KCTD1: variants seen among roughly 807,000 people sequenced by gnomAD.
The protein encoded by KCTD1 is potassium channel tetramerization domain containing 1, also known as BTB/POZ domain-containing protein KCTD1.
In KCTD1, 24 loss-of-function variants were observed where a neutral mutation model predicts 66.0. The ratio of observed to expected loss-of-function variants is 0.36; its 90% CI spans 0.26 to 0.51. KCTD1 has a LOEUF of 0.51. Ranked by LOEUF, KCTD1 falls within the 20% of genes least tolerant of loss-of-function variation. The pLI, the probability that KCTD1 is intolerant of heterozygous loss-of-function variation, is 0.95. For synonymous variants in KCTD1, 511 were observed against 517.2 expected (o/e 0.99, Z 0.16); for missense variants, 943 against 1,205.2 (o/e 0.78, Z 3.22).
At chr18:26,612,808 T>C (rs984544951) in intron 1 of KCTD1, among the ~76,000 whole-genome samples, 8 of 152,242 alleles carry the variant, frequency 5.3e-5, no homozygotes, top group Non-Finnish European at 1.0e-4. Context: ...GGAGCAAGCA[T>C]AGGGCTCAGC....
At chr18:26,637,832 C>T (rs941875233) in intron 1 of KCTD1, among the ~76,000 whole-genome samples, 1 of 152,218 alleles carries the variant, frequency 6.6e-6, no homozygotes, top group African/African-American at 2.4e-5. Flanking sequence ...CCTCAGTTTT[C>T]TCATCTGAAG....
chr18:26,549,059 G>T, upstream of KCTD1: 1 of 985,228 alleles, frequency 1.0e-6, no homozygotes, highest in Non-Finnish European at 1.2e-6. Context: ...CGGGCGGGCC[G>T]CGGGTGCTGC....
chr18:26,627,412 T>C (rs1440375445), intron 1 of KCTD1, among the ~76,000 whole-genome samples: 1 of 152,174 alleles, frequency 6.6e-6, no homozygotes, highest in Non-Finnish European at 1.5e-5. Flanking sequence ...GATTGAACCA[T>C]GTACAATTGT....
upstream of KCTD1, among the ~76,000 whole-genome samples, chr18:26,552,376 A>G (rs1294094935): frequency 6.6e-6 from 1 of 152,216 alleles, no homozygotes; most frequent in East Asian, 1.9e-4. Flanking sequence ...CTAAAGCAAC[A>G]CACACCCTTG....
intron 4 of KCTD1, 32 bp from the exon 5 acceptor site, chr18:26,455,933 GGGTGA>G: frequency 1.2e-6 from 2 of 1,604,932 alleles, no homozygotes. Context: ...ATCCAGTTAG[GGGTGA>G]GGTAAGTCCT....
upstream of KCTD1, among the ~76,000 whole-genome samples, chr18:26,551,329 C>T (rs112218664): frequency 0.022 from 3,350 of 152,274 alleles, 45 homozygotes; most frequent in Middle Eastern, 0.058. Flanking sequence ...ACCGAAAAAC[C>T]CCAAGCGCAA....
At chr18:26,656,252 G>A (rs1988135226) in intron 1 of KCTD1, among the ~76,000 whole-genome samples, 2 of 152,018 alleles carry the variant, frequency 1.3e-5, no homozygotes, top group Admixed American at 6.5e-5. Context: ...GCGCCGGGAA[G>A]AGGCGAGCGC....
intron 1 of KCTD1, among the ~76,000 whole-genome samples, chr18:26,625,298 G>A (rs1013842751): frequency 1.3e-5 from 2 of 152,080 alleles, no homozygotes; most frequent in African/African-American, 2.4e-5. Context: ...GGGGAGGAAC[G>A]ATATGGTTTG....
At position 26,656,750 on chromosome 18, in the gene KCTD1, G is replaced by A. The variant is rs558384107; in HGVS notation, c.9+610C>T. ...CTACCCCCGGCAGGAGCGCAGCCCC[G>A]GGCGCCGCCGCCCCCTGCGCGCCCC... On this transcript the variant is annotated intron_variant, in intron 1 of 4. Coordinates refer to the KCTD1 transcript ENST00000580191. 1.2e-3 allele frequency among the ~76,000 whole-genome samples: 177 copies of A among 151,280 alleles called. 1 individual carries two copies. The highest frequency in any genetic ancestry group is 3.9e-3 in the African/African-American group (160 of 41,434).
chr18:26,538,905 G>C (rs1984840319), intron 1 of KCTD1, among the ~76,000 whole-genome samples: 1 of 152,166 alleles, frequency 6.6e-6, no homozygotes, highest in Non-Finnish European at 1.5e-5. Flanking sequence ...CCCAGCAAAG[G>C]CTGGGGGCCC....
chr18:26,593,813 CAGG>C (rs573724157), intron 1 of KCTD1, among the ~76,000 whole-genome samples: 153 of 95,664 alleles, frequency 1.6e-3, no homozygotes, highest in Non-Finnish European at 2.7e-3. Context: ...AGACAAGGAG[CAGG>C]AGGAGAAGGA....
rs1038861851 is a variant in KCTD1, at chr18:26,546,960, A to T, written c.1577T>A (p.Val526Glu). The change falls in exon 1 of 5, where the codon GTG becomes GAG. Residue 526 changes from valine (V) to glutamate (E), a missense_variant. Val to Glu is a moderately radical substitution (Grantham distance 121). Around this residue, in one of 10 missense-constraint regions of KCTD1, gnomAD observed 197 missense variants for 182.7 expected, o/e 1.08. Coordinates refer to ENST00000580059, the MANE Select transcript of KCTD1 (RefSeq NM_001142730.3). ...GCGCTTGGGCGCAGCCTCGGATTTC[A>T]CGTCGGGCCCGACCTGGCTGTCTTT... Reference protein sequence around the residue: ...LPKDSQVGPDVKSEAAPKRAL... With the variant: ...LPKDSQVGPDEKSEAAPKRAL... 2 of 1,472,160 alleles carry T rather than the reference A, an allele frequency of 1.4e-6. No individual in the cohort carries two copies. The highest frequency in any genetic ancestry group is 2.8e-5 in the African/African-American group (2 of 70,304). 91.2% of individuals were successfully genotyped at this position (1,472,160 alleles called of 1,614,324 possible).
intron 1 of KCTD1, among the ~76,000 whole-genome samples, chr18:26,615,130 G>A (rs1987221952): frequency 6.6e-6 from 1 of 152,126 alleles, no homozygotes; most frequent in Non-Finnish European, 1.5e-5. Context: ...AACGTTATGG[G>A]CTTATGGAAA....
rs76679890 is a variant in KCTD1 at position 26,519,356 on chromosome 18, A to C, written c.1810-18106T>G. 5.1e-4 allele frequency among the ~76,000 whole-genome samples: 77 copies of C among 152,370 alleles called. No homozygotes were observed. The East Asian group carries it at 0.013, about 27-fold the overall frequency. The stretch of plus-strand genomic sequence containing the variant: ...GATGAGACTCTGGTATGTGAGTGAT[A>C]CTAAAATATTAACCTCTTGTTCCTA... On this transcript the variant is annotated intron_variant, in intron 1 of 4. Coordinates refer to ENST00000580059, the MANE Select transcript of KCTD1 (RefSeq NM_001142730.3).
chr18:26,569,300 ATCCTGTATTCCT>A (rs1202038010), intron 1 of KCTD1, among the ~76,000 whole-genome samples: 3 of 152,174 alleles, frequency 2.0e-5, no homozygotes, highest in Admixed American at 1.3e-4. Context: ...TATATCCCAA[ATCCTGTATTCCT>A]TCACTACACT....
upstream of KCTD1, chr18:26,629,299 C>A (rs1353868877): frequency 4.7e-6 from 3 of 636,578 alleles, no homozygotes; most frequent in African/African-American, 4.0e-5. Context: ...GCCCTGCAAG[C>A]TAACCAACTG....
chr18:26,543,869 A>G (rs1985089084), intron 1 of KCTD1: 1 of 152,252 alleles, frequency 6.6e-6, no homozygotes, highest in African/African-American at 2.4e-5. Flanking sequence ...AAACTATGAC[A>G]TTCAGAATCT....
intron 1 of KCTD1, among the ~76,000 whole-genome samples, chr18:26,572,063 G>GTT (rs1049877615): frequency 1.1e-4 from 16 of 139,876 alleles, no homozygotes; most frequent in Non-Finnish European, 1.3e-4. Context: ...TGTTGTTGTT[G>GTT]TTTTTTTTTT....
At chr18:26,578,827 T>G (rs1986288011) in intron 1 of KCTD1, among the ~76,000 whole-genome samples, 1 of 152,208 alleles carries the variant, frequency 6.6e-6, no homozygotes, top group African/African-American at 2.4e-5. Flanking sequence ...GTTGATCAAA[T>G]TACACATCCA....
Sources: gnomAD v4.1 joint callset for allele counts (sites outside exome capture counted in the v4.1 genomes callset) on GRCh38, gnomAD v4.1.1 for gene constraint, gnomAD v4.1.1 regional missense constraint, MANE v1.5 for transcripts, NCBI Gene and HGNC (gene_info 2026-07-23, HGNC 2026-07-21) for gene names.